The following AHNAK variants were observed in gnomAD, a reference collection of about 807,000 sequenced individuals.
The protein encoded by AHNAK is AHNAK nucleoprotein, also known as neuroblast differentiation-associated protein AHNAK.
In AHNAK, 23 loss-of-function variants were observed where a neutral mutation model predicts 37.8. That is an observed-to-expected ratio of 0.61 (90% CI 0.44 to 0.86). The LOEUF (loss-of-function observed/expected upper bound fraction) is 0.86, where lower values mean the gene tolerates loss of function less well. Ranked by LOEUF, AHNAK falls within the 40% of genes least tolerant of loss-of-function variation. The pLI is 0.00. For missense variants in AHNAK, 7,411 were observed against 7,319.4 expected (o/e 1.01, Z -0.46); for synonymous variants, 2,481 against 2,636.3 (o/e 0.94, Z 1.80).
downstream of AHNAK, among the ~76,000 whole-genome samples, chr11:62,512,937 G>A (rs1037930702): frequency 1.8e-4 from 27 of 151,350 alleles, no homozygotes; most frequent in African/African-American, 6.6e-4. This position sits in a 1 kb window ranked among gnomAD's most constrained non-coding sequence, Gnocchi z 4.0. Context: ...GGAAGGGAGG[G>A]AGGGAGGAAG....
intron 5 of AHNAK, among the ~76,000 whole-genome samples, chr11:62,456,599 C>T (rs1938663468): frequency 6.6e-6 from 1 of 152,108 alleles, no homozygotes; most frequent in African/African-American, 2.4e-5. Context: ...AGGTGTGAGG[C>T]TTGGCCCCAT....
At chr11:62,451,701 C>T (rs898315208) in intron 5 of AHNAK, among the ~76,000 whole-genome samples, 2 of 137,642 alleles carry the variant, frequency 1.5e-5, no homozygotes, top group African/African-American at 2.7e-5. Flanking sequence ...TGCACCATTG[C>T]ACTCCAGCCT....
intron 5 of AHNAK, among the ~76,000 whole-genome samples, chr11:62,470,196 C>G (rs1466173302): frequency 6.6e-6 from 1 of 152,118 alleles, no homozygotes; most frequent in Non-Finnish European, 1.5e-5. Context: ...GCCTGTAATC[C>G]CAGCACTTTG....
At position 62,535,065 on chromosome 11, in the gene AHNAK, G is replaced by A. The variant is rs1376729466; in HGVS notation, c.280C>T (p.Pro94Ser). The A allele has an allele frequency of 1.2e-6, 2 of 1,613,952 alleles. No homozygotes were observed. Residue 94 changes from proline (P) to serine (S), a missense_variant, in exon 4 of 5, where the codon CCC becomes TCC. Physicochemically the swap from Pro to Ser is moderately conservative, Grantham distance 74. Coordinates refer to ENST00000378024, the MANE Select transcript of AHNAK (RefSeq NM_001620.3). Reference sequence around the variant, plus strand: ...CGGGTCCAGGTCTGGCCAGGCTCGGGAGAGCGGTCCCCCTTGCGGTGCAGC... The same window carrying A: ...CGGGTCCAGGTCTGGCCAGGCTCGGAAGAGCGGTCCCCCTTGCGGTGCAGC... ...LKLHRKGDRS[P>S]EPGQTWTREV... is the part of the protein sequence containing the mutation.
At chr11:62,537,807 C>T (rs1238477810) in intron 1 of AHNAK, among the ~76,000 whole-genome samples, 4 of 151,932 alleles carry the variant, frequency 2.6e-5, no homozygotes, top group Non-Finnish European at 4.4e-5. Context: ...CTCAGCCTCC[C>T]GAGTAGCTGG....
chr11:62,476,374 C>T lies in AHNAK; in HGVS notation c.442+15358G>A, dbSNP rs575211960. Among the ~76,000 whole-genome samples the T allele has an allele frequency of 2.0e-5, 3 of 152,282 alleles. No individual in the cohort carries two copies. The East Asian group carries it at 5.8e-4, about 29-fold the overall frequency. On this transcript the variant is annotated intron_variant, in intron 5 of 5. Transcript: ENST00000257247. ...ACTGCTCTCCACCCTGCCTGGGCGA[C>T]AGAGCAAGACTCCGTCTCAAAAAAA...
rs760491964 is a variant in AHNAK, at chr11:62,529,292, G to T, written c.5125C>A (p.His1709Asn). The T allele has an allele frequency of 8.1e-6, 13 of 1,614,024 alleles. No individual in the cohort carries two copies. Among genetic ancestry groups the T allele is most frequent in the African/African-American group, 1.3e-5 (1 of 74,890 alleles). ...PDVEVHDPDW[H>N]LKMPKMKMPK... Reference sequence around the variant, plus strand: ...ATTTTCATCTTGGGCATTTTCAGGTGCCAATCTGGGTCGTGAACCTCCACA... The same window carrying T: ...ATTTTCATCTTGGGCATTTTCAGGTTCCAATCTGGGTCGTGAACCTCCACA... Residue 1709 changes from histidine (H) to asparagine (N), a missense_variant, in exon 5 of 5, where the codon CAC becomes AAC. Transcript: ENST00000378024.
rs1485193118 is a variant in AHNAK, at chr11:62,532,735, G to A, written c.1682C>T (p.Ser561Phe). 12 of 1,613,880 alleles carry A rather than the reference G, an allele frequency of 7.4e-6. No homozygotes were observed. In the South Asian group the frequency reaches 1.3e-4, roughly 18 times the overall value. Residue 561 changes from serine (S) to phenylalanine (F), a missense_variant, in exon 5 of 5, where the codon TCC becomes TTC. Physicochemically the swap from Ser to Phe is radical, Grantham distance 155. Coordinates refer to ENST00000378024, the MANE Select transcript of AHNAK (RefSeq NM_001620.3). The part of the protein sequence containing the change: ...TLTGPRLGSP[S>F]GKTGTCRISM... ...GATCCTACAGGTTCCGGTTTTCCCG[G>A]AAGGACTGCCAAGCCTAGGGCCTGT...
chr11:62,531,074 C>T lies in AHNAK; in HGVS notation c.3343G>A (p.Val1115Met), dbSNP rs1165215668. The T allele has an allele frequency of 1.2e-6, 2 of 1,613,764 alleles. No individual in the cohort carries two copies. The highest frequency in any genetic ancestry group is 1.7e-6 in the Non-Finnish European group (2 of 1,179,932). Residue 1115 changes from valine to methionine, a missense_variant, in exon 5 of 5, where the codon GTG becomes ATG. Val to Met is a conservative substitution (Grantham distance 21). Coordinates refer to ENST00000378024, the MANE Select transcript of AHNAK (RefSeq NM_001620.3). The stretch of plus-strand genomic sequence containing the variant: ...CTCCAGTCCAGGCCTTGGCCTTCCA[C>T]ATCTGGTGCTTTAATATCTACCTTG... ...GPKVDIKAPD[V>M]EGQGLDWSLK...
At chr11:62,479,574 T>C (rs777377739) in intron 5 of AHNAK, among the ~76,000 whole-genome samples, 5 of 152,122 alleles carry the variant, frequency 3.3e-5, no homozygotes, top group Admixed American at 6.6e-5. Flanking sequence ...CATTTTTGTC[T>C]TGGGTACAAG....
chr11:62,495,515 G>C (rs962650804), intron 4 of AHNAK, among the ~76,000 whole-genome samples: 2 of 151,726 alleles, frequency 1.3e-5, no homozygotes, highest in African/African-American at 2.4e-5. Context: ...GGCAGATTAC[G>C]AGGTCAGGAG....
intron 5 of AHNAK, among the ~76,000 whole-genome samples, chr11:62,487,566 G>A (rs537034822): frequency 7.2e-5 from 11 of 152,122 alleles, no homozygotes; most frequent in South Asian, 2.1e-4. Context: ...GCGCAGTCTC[G>A]GCTCACTGCA....
At chr11:62,464,665 C>T (rs1938866423) in intron 5 of AHNAK, among the ~76,000 whole-genome samples, 1 of 116,562 alleles carries the variant, frequency 8.6e-6, no homozygotes, top group South Asian at 4.5e-4. Flanking sequence ...AAGATTCCGT[C>T]TCAAAAAAAA....
intron 1 of AHNAK, among the ~76,000 whole-genome samples, chr11:62,542,540 C>T (rs556810345): frequency 2.0e-5 from 3 of 151,994 alleles, no homozygotes; most frequent in South Asian, 2.1e-4. Flanking sequence ...TCTGCTGTGA[C>T]GCCTTTCTCC....
At position 62,518,638 on chromosome 11, in the gene AHNAK, G is replaced by A. The variant is rs115655272; in HGVS notation, c.15779C>T (p.Pro5260Leu). 5.5e-5 allele frequency: 88 copies of A among 1,614,168 alleles called. No homozygotes were observed. The African/African-American group carries it at 1.1e-3, about 20-fold the overall frequency. Residue 5260 changes from proline to leucine, a missense_variant, in exon 5 of 5, where the codon CCC becomes CTC. Transcript: ENST00000378024. Reference protein sequence around the residue: ...GGGAEVHAQLPSLEGDLRGPD... With the variant: ...GGGAEVHAQLLSLEGDLRGPD... ...TCCTCTCAAGTCTCCTTCAAGAGAGGGTAGCTGGGCATGGACCTCGGCTCC... is the reference window on the plus strand; with the variant it reads ...TCCTCTCAAGTCTCCTTCAAGAGAGAGTAGCTGGGCATGGACCTCGGCTCC...
chr11:62,496,218 A>C (rs756489367), intron 4 of AHNAK, among the ~76,000 whole-genome samples: 1 of 152,200 alleles, frequency 6.6e-6, no homozygotes, highest in Non-Finnish European at 1.5e-5. Context: ...TTCTGATACA[A>C]ATACAAAATT....
downstream of AHNAK, among the ~76,000 whole-genome samples, chr11:62,511,846 G>A (rs936298305): frequency 1.1e-4 from 16 of 152,046 alleles, no homozygotes; most frequent in East Asian, 1.9e-4. Context: ...GTGCCACACC[G>A]GGCTAGTTTG....
At position 62,526,806 on chromosome 11, in the gene AHNAK, A is replaced by T. The variant is rs1012548719; in HGVS notation, c.7611T>A (p.Ala2537=). 6 of 1,613,394 alleles carry T rather than the reference A, an allele frequency of 3.7e-6. No individual in the cohort carries two copies. Among genetic ancestry groups the T allele is most frequent in the Non-Finnish European group, 5.1e-6 (6 of 1,179,908 alleles). The part of the protein sequence containing the change: ...GPEVDVNLPK[A]DVDISGPKVD... ...CCTTGGGTCCTGAGATGTCAACGTC[A>T]GCCTTAGGCAAGTTGACGTCTACTT... The change falls in exon 5 of 5, where the codon GCT becomes GCA. Residue 2537 remains alanine (A), a synonymous_variant. Transcript: ENST00000378024.
chr11:62,545,262 A>G (rs1274348732), intron 1 of AHNAK, among the ~76,000 whole-genome samples: 1 of 152,218 alleles, frequency 6.6e-6, no homozygotes, highest in East Asian at 1.9e-4. Flanking sequence ...CACAACCCTC[A>G]GTGGCCTCAT....
Sources: allele counts gnomAD v4.1 joint callset (sites outside exome capture counted in the v4.1 genomes callset), GRCh38; gene constraint gnomAD v4.1.1; non-coding constraint Gnocchi (gnomAD v3.1); transcripts MANE v1.5; gene names NCBI Gene and HGNC (gene_info 2026-07-23, HGNC 2026-07-21).